The following SH2B2 variants were observed in gnomAD, a reference collection of about 807,000 sequenced individuals.
SH2B2 encodes SH2B adaptor protein 2, also known as SH2B adapter protein 2.
A neutral mutation model predicts 35.7 loss-of-function variants in SH2B2; 37 were observed. That is an observed-to-expected ratio of 1.04 (90% CI 0.80 to 1.36). SH2B2 has a LOEUF of 1.36. Among genes scored for constraint, SH2B2 ranks in the 40% most tolerant of loss-of-function variants. SH2B2 has a pLI of 0.00. For synonymous variants in SH2B2, 383 were observed against 376.4 expected (o/e 1.02, Z -0.20); for missense variants, 852 against 817.7 (o/e 1.04, Z -0.51).
Position 102,317,263 on chromosome 7 carries a change from A to G in SH2B2, c.1263A>G (p.Thr421=), listed in dbSNP as rs1793878192. The stretch of plus-strand genomic sequence containing the variant: ...CCGACTACCCATGGTTCCACGGGAC[A>G]CTGTCCCGGGTCAAGGCTGCTCAAC... ...ELSDYPWFHG[T]LSRVKAAQLV... is the part of the protein sequence containing the mutation. The change falls in exon 7 of 9, where the codon ACA becomes ACG. Residue 421 remains threonine, a synonymous_variant. Coordinates refer to ENST00000444095, the MANE Select transcript of SH2B2 (RefSeq NM_001359228.2). 6.2e-7 allele frequency: 1 copy of G among 1,613,668 alleles called. No homozygotes were observed. The highest frequency in any genetic ancestry group is 1.3e-5 in the African/African-American group (1 of 75,058).
At chr7:102,307,008 C>T (rs940337062) in intron 3 of SH2B2, among the ~76,000 whole-genome samples, 186 bp downstream of exon 3, 1 of 152,214 alleles carries the variant, frequency 6.6e-6, no homozygotes, top group African/African-American at 2.4e-5. Flanking sequence ...AGACTTGAGT[C>T]TGGGCTCCAC....
intron 1 of SH2B2, among the ~76,000 whole-genome samples, chr7:102,299,192 C>CAGTCTTGAGTTTTGGAAATGA (rs1554553066): frequency 4.0e-5 from 2 of 50,532 alleles, no homozygotes; most frequent in Admixed American, 2.3e-4. Context: ...AGCCACCGCG[C>CAGTCTTGAGTTTTGGAAATGA]CTGGCTTTTT....
chr7:102,288,548 A>G (rs1377927080), intron 1 of SH2B2, among the ~76,000 whole-genome samples: 2 of 152,046 alleles, frequency 1.3e-5, no homozygotes, highest in African/African-American at 2.4e-5. Context: ...ATCTGTCTGA[A>G]GTTTCTAAAT....
At chr7:102,316,046 A>C (rs1220040984) in intron 6 of SH2B2, among the ~76,000 whole-genome samples, 1 of 151,698 alleles carries the variant, frequency 6.6e-6, no homozygotes, top group African/African-American at 2.4e-5. Context: ...TCAAGCAGCC[A>C]AGGCAGGAGG....
intron 1 of SH2B2, among the ~76,000 whole-genome samples, chr7:102,296,118 G>A (rs1792904820): frequency 6.6e-6 from 1 of 152,210 alleles, no homozygotes; most frequent in Non-Finnish European, 1.5e-5. Context: ...GGCTCAGCCG[G>A]GAGCCCTGTT....
At chr7:102,286,310 A>C (rs1054117879), upstream of SH2B2, among the ~76,000 whole-genome samples, 1 of 152,116 alleles carries the variant, frequency 6.6e-6, no homozygotes, top group Non-Finnish European at 1.5e-5. Flanking sequence ...GATTTATGAG[A>C]ACCAGGCGTC....
intron 1 of SH2B2, among the ~76,000 whole-genome samples, chr7:102,291,288 G>A (rs1169020492): frequency 2.6e-5 from 4 of 152,330 alleles, no homozygotes; most frequent in East Asian, 1.9e-4. Flanking sequence ...CTCCCGTGGC[G>A]GTGGCAAAGG....
chr7:102,300,550 C>CATGA lies in SH2B2; in HGVS notation c.4_7dup (p.Gly3GlufsTer257), dbSNP rs1563552862. The CATGA allele has an allele frequency of 6.5e-7, 1 of 1,544,324 alleles. No homozygotes were observed. ...CAGGTGGCTGCGATGGGACGGAAGCCATGAATGGTGCCGGCCCTGGCCCCG... is the reference window on the plus strand; with the variant it reads ...CAGGTGGCTGCGATGGGACGGAAGCCATGAATGAATGGTGCCGGCCCTGGCCCCG... On this transcript the variant is annotated 5_prime_UTR_variant, in exon 2 of 9. In the 5' UTR this introduces an upstream ATG that the reference lacks. Transcript: ENST00000444095.
At chr7:102,312,999 C>G (rs1041098361) in intron 4 of SH2B2, among the ~76,000 whole-genome samples, 10 of 151,902 alleles carry the variant, frequency 6.6e-5, no homozygotes, top group Middle Eastern at 3.4e-3. Flanking sequence ...CGTGGTGGTA[C>G]ATGCCTGTAA....
intron 1 of SH2B2, among the ~76,000 whole-genome samples, chr7:102,287,970 G>T (rs1792520806): frequency 6.6e-6 from 1 of 152,196 alleles, no homozygotes; most frequent in Non-Finnish European, 1.5e-5. Context: ...GAGAGCCTCA[G>T]GCTAGGCTGT....
chr7:102,301,565 T>TCC (rs1554553968), intron 2 of SH2B2, among the ~76,000 whole-genome samples: 172 of 141,168 alleles, frequency 1.2e-3, no homozygotes, highest in African/African-American at 5.4e-3. Flanking sequence ...TGTCCGTGTG[T>TCC]GTGTGTGTGT....
chr7:102,289,330 A>G (rs1792582596), intron 1 of SH2B2, among the ~76,000 whole-genome samples: 2 of 151,596 alleles, frequency 1.3e-5, no homozygotes. Flanking sequence ...GGTGTGGTGG[A>G]GGGGCAGGGG....
rs1793112315 is a variant in SH2B2 at position 102,300,590 on chromosome 7, G to T, written c.40G>T (p.Val14Phe). The T allele has an allele frequency of 6.5e-7, 1 of 1,549,722 alleles. No individual in the cohort carries two copies. The change falls in exon 2 of 9, where the codon GTC becomes TTC. Residue 14 changes from valine to phenylalanine, a missense_variant. Val to Phe is a conservative substitution (Grantham distance 50). Coordinates refer to ENST00000444095, the MANE Select transcript of SH2B2 (RefSeq NM_001359228.2). ...AGPGPAAAAP[V>F]PVPVPVPDWR... ...CCCTGGCCCCGCCGCAGCCGCCCCG[G>T]TCCCAGTCCCGGTCCCGGTCCCGGA...
intron 1 of SH2B2, among the ~76,000 whole-genome samples, chr7:102,288,200 T>A (rs1792530611): frequency 6.6e-6 from 1 of 152,022 alleles, no homozygotes; most frequent in Admixed American, 6.5e-5. Flanking sequence ...CCCACTACTG[T>A]GTCCCACCTT....
intron 4 of SH2B2, among the ~76,000 whole-genome samples, chr7:102,312,584 A>C (rs997023610): frequency 1.3e-4 from 20 of 152,276 alleles, no homozygotes; most frequent in African/African-American, 4.6e-4. Context: ...CCTATCTTGA[A>C]TGGGGGTCTT....
rs546518657 is a variant in SH2B2 at position 102,317,317 on chromosome 7, C to T, written c.1317C>T (p.His439=). ...TTCTGGCAGGGGGGCCCCGGAACCA[C>T]GGCCTCTTCGTGATCCGCCAAAGTG... The part of the protein sequence containing the change: ...QLVLAGGPRN[H]GLFVIRQSET... The change falls in exon 7 of 9, where the codon CAC becomes CAT. Residue 439 remains histidine (H), a synonymous_variant. Transcript: ENST00000444095. 15 of 1,613,122 alleles carry T rather than the reference C, an allele frequency of 9.3e-6. No individual in the cohort carries two copies. Among genetic ancestry groups the T allele is most frequent in the Middle Eastern group, 1.7e-4 (1 of 6,056 alleles).
chr7:102,304,272 T>C (rs1554554453), intron 2 of SH2B2, among the ~76,000 whole-genome samples: 1 of 152,134 alleles, frequency 6.6e-6, no homozygotes, highest in East Asian at 1.9e-4. Flanking sequence ...ACACAGCCTT[T>C]GAGGTGCCAG....
rs117209052 is a variant in SH2B2, at chr7:102,292,734, G to A, written c.-30+5640G>A. On this transcript the variant is annotated intron_variant, in intron 1 of 8. Transcript: ENST00000444095. ...GAAAAGGCCTCAGTTTCCCCATAGCGAATGGTTCATTGGGGGGTAGGTGGC... is the reference window on the plus strand; with the variant it reads ...GAAAAGGCCTCAGTTTCCCCATAGCAAATGGTTCATTGGGGGGTAGGTGGC... 3.6e-4 allele frequency among the ~76,000 whole-genome samples: 55 copies of A among 152,192 alleles called. 2 individuals are homozygous for A. In the East Asian group the frequency reaches 8.7e-3, roughly 24 times the overall value.
At position 102,300,830 on chromosome 7, in the gene SH2B2, G is replaced by A. The variant is rs1554553552; in HGVS notation, c.280G>A (p.Ala94Thr). The A allele has an allele frequency of 2.0e-6, 3 of 1,469,288 alleles. No individual in the cohort carries two copies. Among genetic ancestry groups the A allele is most frequent in the East Asian group, 5.1e-5 (2 of 39,128 alleles). The allele number at this position is 1,469,288 out of a possible 1,614,324, so 91.0% of individuals were successfully genotyped here. Residue 94 changes from alanine (A) to threonine (T), a missense_variant, in exon 2 of 9, where the codon GCA becomes ACA. Physicochemically the swap from Ala to Thr is moderately conservative, Grantham distance 58 (BLOSUM62 0). Around this residue, in one of 3 missense-constraint regions of SH2B2, gnomAD observed 294 missense variants for 286.6 expected, o/e 1.03. Coordinates refer to ENST00000444095, the MANE Select transcript of SH2B2 (RefSeq NM_001359228.2). ...GACGACTCGGGGCGCGGCCGTGAGC[G>A]CAGAGGCCATGGAGCCGGAGCTCGC... The part of the protein sequence containing the change: ...GPTTRGAAVS[A>T]EAMEPELADT...
Sources: allele counts gnomAD v4.1 joint callset (sites outside exome capture counted in the v4.1 genomes callset), GRCh38; gene constraint gnomAD v4.1.1; regional missense constraint gnomAD v4.1.1; transcripts MANE v1.5; gene names NCBI Gene and HGNC (gene_info 2026-07-23, HGNC 2026-07-21).